FARS2: variants seen among roughly 807,000 people sequenced by gnomAD.
FARS2 encodes the protein phenylalanine--tRNA ligase, mitochondrial.
Under a neutral mutation model 46.4 loss-of-function variants are expected in FARS2, and 40 were observed. The ratio of observed to expected loss-of-function variants is 0.86; its 90% CI spans 0.67 to 1.12. The LOEUF (loss-of-function observed/expected upper bound fraction) is 1.12, where lower values mean the gene tolerates loss of function less well. Ranked by LOEUF, FARS2 falls within the 50% of genes most tolerant of loss-of-function variation. FARS2 has a pLI of 0.00. For missense variants in FARS2, 513 were observed against 567.9 expected (o/e 0.90, Z 0.98); for synonymous variants, 234 against 214.9 (o/e 1.09, Z -0.78).
chr6:5,300,411 G>A (rs1194025574), intron 1 of FARS2, among the ~76,000 whole-genome samples: 2 of 152,182 alleles, frequency 1.3e-5, no homozygotes, highest in Non-Finnish European at 2.9e-5. Context: ...ACATCTGATG[G>A]TGATCCTTAT....
chr6:5,260,624 GGCCCCCGGT>G, upstream of FARS2: 1 of 665,534 alleles, frequency 1.5e-6, no homozygotes, highest in South Asian at 2.5e-5. Flanking sequence ...CCCCGCCCCC[GGCCCCCGGT>G]GCCCGCTGGG....
intron 6 of FARS2, among the ~76,000 whole-genome samples, chr6:5,688,976 A>G (rs1269728627): frequency 2.6e-5 from 4 of 152,186 alleles, no homozygotes; most frequent in Non-Finnish European, 5.9e-5. Context: ...TAGATTTTCT[A>G]GTTTATTTGC....
At chr6:5,673,596 C>T (rs1335320017) in intron 6 of FARS2, among the ~76,000 whole-genome samples, 1 of 152,156 alleles carries the variant, frequency 6.6e-6, no homozygotes, top group African/African-American at 2.4e-5. Flanking sequence ...GAACTCATGC[C>T]AGCTCTGTGG....
At chr6:5,482,338 A>G (rs533593824) in intron 4 of FARS2, among the ~76,000 whole-genome samples, 4 of 152,292 alleles carry the variant, frequency 2.6e-5, no homozygotes, top group East Asian at 1.9e-4. Flanking sequence ...ATTTGATGCA[A>G]TATGGTTTAA....
At chr6:5,467,906 A>C (rs530601507) in intron 4 of FARS2, among the ~76,000 whole-genome samples, 1 of 152,336 alleles carries the variant, frequency 6.6e-6, no homozygotes, top group South Asian at 2.1e-4. Flanking sequence ...ACTATGTTTC[A>C]AAACATTTAT....
chr6:5,436,397 T>A (rs1229643145), intron 4 of FARS2, among the ~76,000 whole-genome samples: 1 of 152,154 alleles, frequency 6.6e-6, no homozygotes, highest in Non-Finnish European at 1.5e-5. Flanking sequence ...GAATCTGTAA[T>A]AGCATGGACC....
chr6:5,470,866 A>G (rs1765770807), intron 4 of FARS2, among the ~76,000 whole-genome samples: 1 of 152,210 alleles, frequency 6.6e-6, no homozygotes, highest in African/African-American at 2.4e-5. Context: ...TATCTTTTTA[A>G]TATGTGTTCA....
intron 1 of FARS2, among the ~76,000 whole-genome samples, chr6:5,278,257 C>A (rs115821566): frequency 0.02 from 3,041 of 152,242 alleles, 91 homozygotes; most frequent in African/African-American, 0.069. Flanking sequence ...TCTCCTCACC[C>A]CTAGGGACAT....
intron 6 of FARS2, among the ~76,000 whole-genome samples, chr6:5,689,856 G>A (rs572718028): frequency 6.6e-6 from 1 of 152,248 alleles, no homozygotes; most frequent in African/African-American, 2.4e-5. Flanking sequence ...AGGTCTCTAA[G>A]GACTTGCTTT....
intron 4 of FARS2, among the ~76,000 whole-genome samples, chr6:5,510,453 G>A (rs922095186): frequency 3.3e-5 from 5 of 152,180 alleles, no homozygotes; most frequent in South Asian, 4.1e-4. Flanking sequence ...TTGTCTGACC[G>A]TGAGTTCCGC....
chr6:5,569,892 C>T (rs1183030523), intron 5 of FARS2, among the ~76,000 whole-genome samples: 1 of 152,120 alleles, frequency 6.6e-6, no homozygotes, highest in Non-Finnish European at 1.5e-5. Context: ...AAGCTTCCTC[C>T]AGAAAAGAGG....
At chr6:5,576,245 A>G (rs927628647) in intron 5 of FARS2, among the ~76,000 whole-genome samples, 2 of 152,126 alleles carry the variant, frequency 1.3e-5, no homozygotes, top group African/African-American at 2.4e-5. Context: ...AAAGGAGATT[A>G]ACATTTGAGT....
chr6:5,562,602 T>C (rs1772051291), intron 5 of FARS2, among the ~76,000 whole-genome samples: 1 of 152,042 alleles, frequency 6.6e-6, no homozygotes, highest in Admixed American at 6.6e-5. Context: ...CCCTGACATT[T>C]ATTGGCACAG....
chr6:5,579,165 G>A (rs1446810991), intron 5 of FARS2, among the ~76,000 whole-genome samples: 2 of 152,180 alleles, frequency 1.3e-5, no homozygotes, highest in African/African-American at 4.8e-5. Flanking sequence ...TGCCCTGCTG[G>A]AAGTTGCTAT....
At chr6:5,269,930 T>C (rs1236434468) in intron 1 of FARS2, among the ~76,000 whole-genome samples, 1 of 152,222 alleles carries the variant, frequency 6.6e-6, no homozygotes, top group African/African-American at 2.4e-5. Flanking sequence ...CTGAGCACAA[T>C]TGAAGCACTT....
chr6:5,737,446 G>A (rs1203155395), intron 6 of FARS2, among the ~76,000 whole-genome samples: 1 of 152,206 alleles, frequency 6.6e-6, no homozygotes, highest in Non-Finnish European at 1.5e-5. Flanking sequence ...CAGAAGAATT[G>A]CTTGAACCCA....
At chr6:5,358,880 T>G in intron 1 of FARS2, among the ~76,000 whole-genome samples, 1 of 152,128 alleles carries the variant, frequency 6.6e-6, no homozygotes, top group East Asian at 1.9e-4. Flanking sequence ...TGTTTTTGTG[T>G]TTGTCACAAG....
chr6:5,640,725 C>T (rs972353912), intron 6 of FARS2, among the ~76,000 whole-genome samples: 1 of 152,230 alleles, frequency 6.6e-6, no homozygotes, highest in Non-Finnish European at 1.5e-5. Context: ...CACCAGACAC[C>T]TGACCCATAC....
At chr6:5,616,919 C>A (rs1428458593) in intron 6 of FARS2, among the ~76,000 whole-genome samples, 1 of 151,204 alleles carries the variant, frequency 6.6e-6, no homozygotes, top group Non-Finnish European at 1.5e-5. Flanking sequence ...ACCTAGGAAG[C>A]TGAGAGAAAT....
Sources: gnomAD v4.1 joint callset for allele counts (sites outside exome capture counted in the v4.1 genomes callset) on GRCh38, gnomAD v4.1.1 for gene constraint, MANE v1.5 for transcripts, NCBI Gene and HGNC (gene_info 2026-07-23, HGNC 2026-07-21) for gene names.